Variants in RAP1GAP2 observed in about 807,000 individuals in gnomAD.
The protein encoded by RAP1GAP2 is RAP1 GTPase activating protein 2, also known as rap1 GTPase-activating protein 2.
In RAP1GAP2, 27 loss-of-function variants were observed where a neutral mutation model predicts 95.0. The ratio of observed to expected loss-of-function variants is 0.28; its 90% CI spans 0.21 to 0.39. RAP1GAP2 has a LOEUF of 0.39. RAP1GAP2 is among the 10% of genes least tolerant of loss of function. The pLI, the probability that RAP1GAP2 is intolerant of heterozygous loss-of-function variation, is 1.00. For synonymous variants in RAP1GAP2, 373 were observed against 380.9 expected, an observed-to-expected ratio of 0.98 and a Z score of 0.24; for missense variants, 771 against 970.0, an observed-to-expected ratio of 0.79 and a Z score of 2.72.
chr17:2,946,996 C>G (rs569859394), intron 3 of RAP1GAP2, among the ~76,000 whole-genome samples: 1 of 152,204 alleles, frequency 6.6e-6, no homozygotes, highest in Non-Finnish European at 1.5e-5. Context: ...CCCAGGTGAT[C>G]CGCCCGCCTT....
intron 3 of RAP1GAP2, among the ~76,000 whole-genome samples, chr17:2,907,065 G>A (rs2042221142): frequency 6.6e-6 from 1 of 150,838 alleles, no homozygotes; most frequent in Admixed American, 6.6e-5. Context: ...TCCTACCTGT[G>A]AAGTAACCCC....
chr17:3,028,473 A>G (rs761311652), intron 22 of RAP1GAP2, among the ~76,000 whole-genome samples: 1 of 152,192 alleles, frequency 6.6e-6, no homozygotes, highest in Non-Finnish European at 1.5e-5. Context: ...ATTCGGTTGA[A>G]AAACTCTAGT....
intron 1 of RAP1GAP2, among the ~76,000 whole-genome samples, chr17:2,788,167 A>T (rs909449602): frequency 6.6e-6 from 1 of 152,138 alleles, no homozygotes; most frequent in Non-Finnish European, 1.5e-5. Context: ...GATAGAGTGT[A>T]TTAGTCAGGG....
intron 1 of RAP1GAP2, among the ~76,000 whole-genome samples, chr17:2,799,882 G>A (rs923642881): frequency 2.0e-5 from 3 of 152,210 alleles, no homozygotes; most frequent in African/African-American, 7.2e-5. Context: ...GGCGGGCACA[G>A]GCTGGGGATG....
chr17:2,789,607 T>TA (rs546111176), intron 1 of RAP1GAP2, among the ~76,000 whole-genome samples: 824 of 74,794 alleles, frequency 0.011, 11 homozygotes, highest in African/African-American at 0.025. Flanking sequence ...CAGTCTCTAC[T>TA]AAAAAAAAAA....
chr17:3,016,880 T>C (rs117352221), intron 17 of RAP1GAP2, among the ~76,000 whole-genome samples: 1 of 152,190 alleles, frequency 6.6e-6, no homozygotes, highest in Admixed American at 6.5e-5. Flanking sequence ...GAAGCCCAGA[T>C]ACAAATCCTG....
At chr17:2,920,395 C>T (rs1258617142) in intron 3 of RAP1GAP2, among the ~76,000 whole-genome samples, 3 of 152,158 alleles carry the variant, frequency 2.0e-5, no homozygotes, top group Admixed American at 6.5e-5. Flanking sequence ...CCCAGGCATG[C>T]CACCTGCCTT....
At chr17:2,877,620 G>T (rs1032336983) in intron 2 of RAP1GAP2, among the ~76,000 whole-genome samples, 2 of 152,098 alleles carry the variant, frequency 1.3e-5, no homozygotes, top group Non-Finnish European at 2.9e-5. Flanking sequence ...GTATGGTGGC[G>T]GGCACCTGTA....
intron 2 of RAP1GAP2, among the ~76,000 whole-genome samples, chr17:2,810,817 C>T (rs2069741271): frequency 6.6e-6 from 1 of 152,130 alleles, no homozygotes; most frequent in Non-Finnish European, 1.5e-5. Context: ...GCGTGAGCCA[C>T]CGCGCCTGGC....
rs1218941803 is a variant in RAP1GAP2 at position 2,890,825 on chromosome 17, C to T, written c.81-14459C>T. Among the ~76,000 whole-genome samples, 14 of 151,904 alleles carry T rather than the reference C, an allele frequency of 9.2e-5. No individual in the cohort carries two copies. In the South Asian group the frequency reaches 2.9e-3, roughly 32 times the overall value. Reference sequence around the variant, plus strand: ...TCAGCCTCCCGAGTAGCTGGGACCACAGGCGCCCGCCACCACGCCCGGCTA... The same window carrying T: ...TCAGCCTCCCGAGTAGCTGGGACCATAGGCGCCCGCCACCACGCCCGGCTA... On this transcript the variant is annotated intron_variant, in intron 2 of 24. Coordinates refer to ENST00000254695, the MANE Select transcript of RAP1GAP2 (RefSeq NM_015085.5).
At chr17:2,801,791 G>A (rs901815255) in intron 2 of RAP1GAP2, among the ~76,000 whole-genome samples, 4 of 152,146 alleles carry the variant, frequency 2.6e-5, no homozygotes, top group Non-Finnish European at 5.9e-5. Flanking sequence ...TGGTCCGTCT[G>A]CTGAGGTCCG....
At chr17:2,800,459 T>A (rs372814130) in intron 1 of RAP1GAP2, 56 bp from the exon 2 acceptor site, 204 of 1,582,064 alleles carry the variant, frequency 1.3e-4, no homozygotes, top group Non-Finnish European at 1.7e-4. Context: ...ATACAGATGC[T>A]ATGTAGGAGT....
intron 13 of RAP1GAP2, among the ~76,000 whole-genome samples, chr17:2,995,997 C>G (rs183230723): frequency 2.3e-4 from 35 of 149,724 alleles, no homozygotes; most frequent in African/African-American, 6.8e-4. Flanking sequence ...GTGGGGATTA[C>G]ATACATTTCT....
intron 2 of RAP1GAP2, among the ~76,000 whole-genome samples, chr17:2,832,948 A>C (rs1397777147): frequency 6.6e-6 from 1 of 151,926 alleles, no homozygotes; most frequent in Non-Finnish European, 1.5e-5. Context: ...ACTGCACTCC[A>C]GCCCGGGTCA....
intron 1 of RAP1GAP2, among the ~76,000 whole-genome samples, chr17:2,778,751 C>T (rs963808462): frequency 6.6e-6 from 1 of 152,172 alleles, no homozygotes; most frequent in African/African-American, 2.4e-5. Context: ...GAGAGAAAGG[C>T]TTGCAGGCTG....
chr17:2,807,323 C>T (rs541679421), intron 2 of RAP1GAP2, among the ~76,000 whole-genome samples: 1 of 152,208 alleles, frequency 6.6e-6, no homozygotes, highest in Non-Finnish European at 1.5e-5. Flanking sequence ...GGCACCACTA[C>T]GATGTTCTAG....
intron 3 of RAP1GAP2, among the ~76,000 whole-genome samples, chr17:2,954,215 C>T (rs1205701096): frequency 6.6e-6 from 1 of 152,122 alleles, no homozygotes; most frequent in Non-Finnish European, 1.5e-5. Context: ...CGCCATTCTC[C>T]TGCCTCAGCC....
intron 13 of RAP1GAP2, among the ~76,000 whole-genome samples, chr17:2,995,774 T>G (rs1354750506): frequency 6.6e-6 from 1 of 152,066 alleles, no homozygotes; most frequent in Non-Finnish European, 1.5e-5. Context: ...GTGACAAGAC[T>G]TCCTTGAGGT....
chr17:2,980,238 C>T (rs1190570144), intron 8 of RAP1GAP2, 49 bp from the exon 9 acceptor site: 2 of 1,594,154 alleles, frequency 1.3e-6, no homozygotes, highest in Non-Finnish European at 1.7e-6. Flanking sequence ...TCCCCGCGCC[C>T]TCACTGACTG....
Sources: allele counts gnomAD v4.1 joint callset (sites outside exome capture counted in the v4.1 genomes callset), GRCh38; gene constraint gnomAD v4.1.1; transcripts MANE v1.5; gene names NCBI Gene and HGNC (gene_info 2026-07-23, HGNC 2026-07-21).